SLC25A21: variants seen among roughly 807,000 people sequenced by gnomAD.
The protein encoded by SLC25A21 is solute carrier family 25 member 21.
In SLC25A21, 47 loss-of-function variants were observed where a neutral mutation model predicts 43.8. That is an observed-to-expected ratio of 1.07 (90% CI 0.85 to 1.37). SLC25A21 has a LOEUF of 1.37. SLC25A21 is among the 40% of genes most tolerant of loss of function. The probability of loss-of-function intolerance (pLI) is 0.00; values close to 1 mark genes in which losing one functional copy is unlikely to be tolerated. For synonymous variants in SLC25A21, 131 were observed against 121.3 expected (o/e 1.08, Z -0.52); for missense variants, 352 against 350.2 (o/e 1.00, Z -0.04).
chr14:37,138,590 T>C (rs1169022398), intron 1 of SLC25A21, among the ~76,000 whole-genome samples: 5 of 152,154 alleles, frequency 3.3e-5, no homozygotes, highest in African/African-American at 9.6e-5. Flanking sequence ...TATACATTAA[T>C]TTATTGTCTT....
intron 1 of SLC25A21, among the ~76,000 whole-genome samples, chr14:37,031,191 T>C (rs1340030157): frequency 6.6e-6 from 1 of 152,216 alleles, no homozygotes; most frequent in Non-Finnish European, 1.5e-5. Context: ...CAGGCTATCC[T>C]AAGGAATATT....
intron 1 of SLC25A21, among the ~76,000 whole-genome samples, chr14:36,893,853 T>C (rs1035681069): frequency 2.0e-5 from 3 of 152,198 alleles, no homozygotes; most frequent in Non-Finnish European, 4.4e-5. Context: ...TGGTTGTAGA[T>C]ATGCAGCATT....
chr14:37,020,928 C>T (rs1960972333), intron 1 of SLC25A21, among the ~76,000 whole-genome samples: 1 of 151,938 alleles, frequency 6.6e-6, no homozygotes, highest in Admixed American at 6.6e-5. Flanking sequence ...GCATTAGGTT[C>T]CCAGCAGTGC....
At chr14:36,754,012 T>C (rs1465400557) in intron 3 of SLC25A21, among the ~76,000 whole-genome samples, 4 of 151,986 alleles carry the variant, frequency 2.6e-5, no homozygotes, top group Admixed American at 1.3e-4. Context: ...GATCCTGCTT[T>C]GATCCCAGAT....
intron 1 of SLC25A21, among the ~76,000 whole-genome samples, chr14:37,094,441 G>A (rs1388159459): frequency 1.3e-5 from 2 of 152,118 alleles, no homozygotes; most frequent in Non-Finnish European, 2.9e-5. Context: ...CGAGAATGGG[G>A]AGATAACAGC....
intron 3 of SLC25A21, among the ~76,000 whole-genome samples, chr14:36,771,254 G>C (rs982718326): frequency 3.9e-5 from 6 of 152,002 alleles, no homozygotes; most frequent in Admixed American, 6.5e-5. Context: ...AGTACTGTAT[G>C]AGTCTTACAA....
intron 7 of SLC25A21, among the ~76,000 whole-genome samples, chr14:36,694,085 C>T (rs1333868829): frequency 6.6e-6 from 1 of 151,942 alleles, no homozygotes; most frequent in African/African-American, 2.4e-5. Context: ...CTGACAGGCC[C>T]CAGTGTGTGA....
At chr14:36,937,170 C>T (rs539962785) in intron 1 of SLC25A21, among the ~76,000 whole-genome samples, 3 of 152,312 alleles carry the variant, frequency 2.0e-5, no homozygotes, top group African/African-American at 7.2e-5. Context: ...TCTAACTAAG[C>T]CGGGCGATGC....
chr14:36,896,742 A>C (rs1018061280), intron 1 of SLC25A21, among the ~76,000 whole-genome samples: 1 of 152,228 alleles, frequency 6.6e-6, no homozygotes, highest in African/African-American at 2.4e-5. Flanking sequence ...TGGTGGTGAC[A>C]AAATCTCTCA....
At chr14:37,152,643 C>T (rs761412443) in intron 1 of SLC25A21, among the ~76,000 whole-genome samples, 13 of 152,132 alleles carry the variant, frequency 8.5e-5, no homozygotes, top group Non-Finnish European at 1.6e-4. Context: ...AAACAGACAA[C>T]ACTGAAGCCA....
At chr14:36,853,849 T>A (rs1481340663) in intron 2 of SLC25A21, among the ~76,000 whole-genome samples, 1 of 152,202 alleles carries the variant, frequency 6.6e-6, no homozygotes, top group Non-Finnish European at 1.5e-5. Flanking sequence ...ATGCATCCAG[T>A]GCTTTTGTTC....
intron 6 of SLC25A21, among the ~76,000 whole-genome samples, chr14:36,716,255 G>A (rs1884129610): frequency 6.6e-6 from 1 of 152,158 alleles, no homozygotes; most frequent in African/African-American, 2.4e-5. Context: ...GGTGATGCGA[G>A]GAGTGGGGAG....
At chr14:36,894,650 C>G (rs1465018165) in intron 1 of SLC25A21, among the ~76,000 whole-genome samples, 2 of 152,038 alleles carry the variant, frequency 1.3e-5, no homozygotes, top group Admixed American at 1.3e-4. Flanking sequence ...AGTTTTTGCC[C>G]ATTCAGTACG....
At chr14:36,806,891 T>C (rs1161176346) in intron 3 of SLC25A21, 4 of 152,120 alleles carry the variant, frequency 2.6e-5, no homozygotes, top group Non-Finnish European at 4.4e-5. Context: ...TCTGGCAGTG[T>C]GGGAGCAAGA....
At chr14:36,729,892 T>A (rs1425051210) in intron 4 of SLC25A21, among the ~76,000 whole-genome samples, 1 of 152,210 alleles carries the variant, frequency 6.6e-6, no homozygotes, top group Non-Finnish European at 1.5e-5. Context: ...ATTATAGGCC[T>A]AGAGACCTGA....
At chr14:36,857,727 C>T (rs1398516349) in intron 2 of SLC25A21, among the ~76,000 whole-genome samples, 1 of 152,186 alleles carries the variant, frequency 6.6e-6, no homozygotes, top group East Asian at 1.9e-4. Context: ...TATTACTCTG[C>T]CCAGAGGTGC....
chr14:36,679,015 T>A lies in SLC25A21; in HGVS notation c.*1643A>T. 1.0e-6 allele frequency: 1 copy of A among 984,630 alleles called. No individual in the cohort carries two copies. Among genetic ancestry groups the A allele is most frequent in the Non-Finnish European group, 1.2e-6 (1 of 829,504 alleles). The allele number at this position is 984,630 out of a possible 1,614,324, so 61.0% of individuals were successfully genotyped here. ...TCATAGATGGTAAAAGTGTTGCTTT[T>A]AAACTGGCAAATGCACTCTTCAGAA... On this transcript the variant is annotated 3_prime_UTR_variant, in exon 10 of 10. Transcript: ENST00000331299.
chr14:36,733,131 T>TC (rs1884897832), intron 4 of SLC25A21, among the ~76,000 whole-genome samples: 1 of 152,216 alleles, frequency 6.6e-6, no homozygotes, highest in African/African-American at 2.4e-5. Flanking sequence ...GAAAAAAATA[T>TC]TCCAGGAAAA....
intron 2 of SLC25A21, among the ~76,000 whole-genome samples, chr14:36,852,657 ATG>A (rs769197848): frequency 1.1e-4 from 17 of 152,094 alleles, no homozygotes; most frequent in Non-Finnish European, 1.9e-4. Flanking sequence ...GCGTGTGTGT[ATG>A]TGTGAGTGTG....
Sources: gnomAD v4.1 joint callset for allele counts (sites outside exome capture counted in the v4.1 genomes callset) on GRCh38, gnomAD v4.1.1 for gene constraint, MANE v1.5 for transcripts, NCBI Gene and HGNC (gene_info 2026-07-23, HGNC 2026-07-21) for gene names.